The following CNTNAP2 variants were observed in gnomAD, a reference collection of about 807,000 sequenced individuals.
The protein encoded by CNTNAP2 is contactin associated protein 2.
In CNTNAP2, 98 loss-of-function variants were observed where a neutral mutation model predicts 155.2. The observed-to-expected ratio is 0.63, with a 90% confidence interval of 0.54 to 0.75. The LOEUF (loss-of-function observed/expected upper bound fraction) is 0.75. Among genes scored for constraint, CNTNAP2 ranks in the 30% least tolerant of loss-of-function variants. CNTNAP2 has a pLI of 0.00. For synonymous variants in CNTNAP2, 651 were observed against 631.2 expected (o/e 1.03, Z -0.47); for missense variants, 1,727 against 1,688.1 (o/e 1.02, Z -0.40).
chr7:146,581,721 A>C (rs1056942153), intron 1 of CNTNAP2, among the ~76,000 whole-genome samples: 1 of 152,046 alleles, frequency 6.6e-6, no homozygotes, highest in African/African-American at 2.4e-5. Flanking sequence ...TTTTTCATAT[A>C]AAATTAGAAT....
chr7:147,177,073 G>A (rs1010915781), intron 8 of CNTNAP2, among the ~76,000 whole-genome samples: 3 of 144,396 alleles, frequency 2.1e-5, no homozygotes, highest in African/African-American at 7.8e-5. Flanking sequence ...ACATACACAC[G>A]TATAATATAA....
At chr7:146,457,447 A>G (rs1796571073) in intron 1 of CNTNAP2, among the ~76,000 whole-genome samples, 1 of 110,080 alleles carries the variant, frequency 9.1e-6, no homozygotes, top group Non-Finnish European at 1.9e-5. Flanking sequence ...AATGAATCAA[A>G]TTATAATTTG....
At chr7:148,046,528 A>C (rs956031566) in intron 15 of CNTNAP2, among the ~76,000 whole-genome samples, 8 of 152,156 alleles carry the variant, frequency 5.3e-5, no homozygotes, top group South Asian at 2.1e-4. Flanking sequence ...TGTAGTTACT[A>C]TCTGTTTTCC....
chr7:148,032,167 C>T (rs1802488661), intron 15 of CNTNAP2, among the ~76,000 whole-genome samples: 1 of 152,166 alleles, frequency 6.6e-6, no homozygotes, highest in Admixed American at 6.5e-5. Flanking sequence ...AAGAGATGTT[C>T]TGGATGTCAG....
At chr7:146,399,380 G>C (rs1795682118) in intron 1 of CNTNAP2, among the ~76,000 whole-genome samples, 1 of 152,028 alleles carries the variant, frequency 6.6e-6, no homozygotes, top group Admixed American at 6.6e-5. Context: ...AATTCTGTTA[G>C]TTTGACACTT....
chr7:147,835,665 C>T (rs962498202), intron 13 of CNTNAP2, among the ~76,000 whole-genome samples: 1 of 152,104 alleles, frequency 6.6e-6, no homozygotes, highest in Non-Finnish European at 1.5e-5. Flanking sequence ...ATCCCTGGTA[C>T]CTGTGAACAT....
chr7:147,835,972 T>C (rs966008523), intron 13 of CNTNAP2, among the ~76,000 whole-genome samples: 3 of 152,162 alleles, frequency 2.0e-5, no homozygotes, highest in African/African-American at 7.2e-5. Flanking sequence ...TGCTGAGGCC[T>C]CCATTGTGGA....
rs1042471333 is a variant in CNTNAP2, at chr7:146,907,661, G to A, written c.402+67757G>A. 1.1e-3 allele frequency among the ~76,000 whole-genome samples: 169 copies of A among 150,284 alleles called. 1 individual carries two copies. Among genetic ancestry groups the A allele is most frequent in the African/African-American group, 3.4e-3 (140 of 40,800 alleles). ...AGCTCCTGAAGGAAGCGCTAAACAT[G>A]GAAAGGAACAACCGGTACCAGCTGC... is the stretch of plus-strand genomic sequence containing the variant. On this transcript the variant is annotated intron_variant, in intron 3 of 23. Transcript: ENST00000361727.
chr7:147,005,473 AAAG>A lies in CNTNAP2; in HGVS notation c.403-38430_403-38428del, dbSNP rs1798508323. On this transcript the variant is annotated intron_variant, in intron 3 of 23. Coordinates refer to ENST00000361727, the MANE Select transcript of CNTNAP2 (RefSeq NM_014141.6). ...GGACAAATGAAGAACATAAAAGCAA[AAAG>A]AAGTTTATTAACTTGTATACCTCAT... is the stretch of plus-strand genomic sequence containing the variant. 2.0e-5 allele frequency among the ~76,000 whole-genome samples: 3 copies of A among 152,086 alleles called. No homozygotes were observed. The South Asian group carries it at 6.2e-4, about 32-fold the overall frequency.
intron 8 of CNTNAP2, among the ~76,000 whole-genome samples, chr7:147,159,902 TATGAATCA>T (rs1801994641): frequency 6.6e-6 from 1 of 152,074 alleles, no homozygotes; most frequent in African/African-American, 2.4e-5. Context: ...ATTACTTCTC[TATGAATCA>T]TACTTTTTTA....
At chr7:146,598,781 A>G (rs1229864100) in intron 1 of CNTNAP2, among the ~76,000 whole-genome samples, 2 of 151,708 alleles carry the variant, frequency 1.3e-5, no homozygotes, top group African/African-American at 4.9e-5. Context: ...ATGGCTCTAA[A>G]TATTATTTAT....
chr7:146,122,744 G>A (rs1037092590), intron 1 of CNTNAP2, among the ~76,000 whole-genome samples: 2 of 152,032 alleles, frequency 1.3e-5, no homozygotes, highest in Non-Finnish European at 2.9e-5. Flanking sequence ...TTTATCTGTG[G>A]TAAATAACAT....
chr7:148,055,940 T>C (rs936416535), intron 15 of CNTNAP2, among the ~76,000 whole-genome samples: 1 of 152,228 alleles, frequency 6.6e-6, no homozygotes, highest in African/African-American at 2.4e-5. Flanking sequence ...CGGGGCTCAT[T>C]CCTTAGGCCG....
chr7:148,050,831 A>G (rs1315607532), intron 15 of CNTNAP2, among the ~76,000 whole-genome samples: 1 of 152,214 alleles, frequency 6.6e-6, no homozygotes, highest in Non-Finnish European at 1.5e-5. Context: ...ATACACAAAT[A>G]CCATTGTGTT....
At chr7:146,617,099 A>C (rs901635023) in intron 1 of CNTNAP2, among the ~76,000 whole-genome samples, 2 of 152,134 alleles carry the variant, frequency 1.3e-5, no homozygotes, top group African/African-American at 4.8e-5. Flanking sequence ...CGCTCGCTGC[A>C]AGTTCTGCCT....
At chr7:147,414,962 A>G (rs1160695230) in intron 10 of CNTNAP2, among the ~76,000 whole-genome samples, 2 of 149,606 alleles carry the variant, frequency 1.3e-5, no homozygotes, top group Non-Finnish European at 3.0e-5. Context: ...AAAAAAAAAA[A>G]AGAAAAGAAA....
intron 3 of CNTNAP2, among the ~76,000 whole-genome samples, chr7:146,947,648 G>T (rs975706349): frequency 2.0e-5 from 3 of 147,468 alleles, no homozygotes; most frequent in Non-Finnish European, 4.5e-5. Flanking sequence ...GCTCATGCCT[G>T]TAATTCAAAC....
In CNTNAP2 at chr7:148,417,980, G is replaced by T. The variant is rs891836261; in HGVS notation, c.*2364G>T. 3 of 152,178 alleles carry T rather than the reference G, an allele frequency of 2.0e-5. No homozygotes were observed. The highest frequency in any genetic ancestry group is 4.4e-5 in the Non-Finnish European group (3 of 68,046). 9.4% of individuals were successfully genotyped at this position (152,178 alleles called of 1,614,324 possible). Reference sequence around the variant, plus strand: ...CCTAGGACACTGGAATGACTGCAGGGATCAGTGGTTCTCCCATATCACCAT... The same window carrying T: ...CCTAGGACACTGGAATGACTGCAGGTATCAGTGGTTCTCCCATATCACCAT... On this transcript the variant is annotated 3_prime_UTR_variant, in exon 24 of 24. Transcript: ENST00000361727.
chr7:147,799,560 G>A (rs1183979549), intron 13 of CNTNAP2, among the ~76,000 whole-genome samples: 1 of 152,124 alleles, frequency 6.6e-6, no homozygotes, highest in Non-Finnish European at 1.5e-5. Context: ...AAAAAGGCAA[G>A]AAATCTTTTT....
Sources: allele counts gnomAD v4.1 joint callset (sites outside exome capture counted in the v4.1 genomes callset), GRCh38; gene constraint gnomAD v4.1.1; transcripts MANE v1.5; gene names NCBI Gene and HGNC (gene_info 2026-07-23, HGNC 2026-07-21).